The following INTS7 variants were observed in gnomAD, a reference collection of about 807,000 sequenced individuals.
INTS7 encodes chromosome 1 open reading frame 73.
In INTS7, 46 loss-of-function variants were observed where a neutral mutation model predicts 109.2. The observed-to-expected ratio is 0.42, with a 90% CI of 0.33 to 0.54. INTS7 has a LOEUF of 0.54. Ranked by LOEUF, INTS7 falls within the 20% of genes least tolerant of loss-of-function variation. INTS7 has a pLI of 0.07. For synonymous variants in INTS7, 412 were observed against 402.9 expected, an observed-to-expected ratio of 1.02 and a Z score of -0.27; for missense variants, 929 against 1,132.4, an observed-to-expected ratio of 0.82 and a Z score of 2.58.
chr1:211,967,451 CAAAAAAA>C (rs35896290), intron 15 of INTS7, among the ~76,000 whole-genome samples: 30 of 82,436 alleles, frequency 3.6e-4, no homozygotes, highest in African/African-American at 1.4e-3. Flanking sequence ...GACTCCATCT[CAAAAAAA>C]AAAAAAAAAA....
intron 5 of INTS7, among the ~76,000 whole-genome samples, chr1:212,008,986 T>C (rs997370061): frequency 2.0e-5 from 3 of 152,308 alleles, no homozygotes; most frequent in South Asian, 2.1e-4. Context: ...TCCACTCTTA[T>C]ATCCCCCTCT....
intron 15 of INTS7, among the ~76,000 whole-genome samples, 186 bp from the exon 16 acceptor site, chr1:211,966,684 T>C (rs1199963767): frequency 1.3e-5 from 2 of 152,170 alleles, no homozygotes; most frequent in African/African-American, 4.8e-5. Flanking sequence ...ATAATAGTGA[T>C]CCTCAGACTC....
chr1:211,954,704 T>C (rs1663281775), intron 16 of INTS7, among the ~76,000 whole-genome samples: 1 of 152,232 alleles, frequency 6.6e-6, no homozygotes, highest in African/African-American at 2.4e-5. Flanking sequence ...ATCAGATGGT[T>C]GTAGATATGC....
intron 3 of INTS7, among the ~76,000 whole-genome samples, chr1:212,018,782 G>A (rs568188933): frequency 6.6e-6 from 1 of 152,122 alleles, no homozygotes; most frequent in South Asian, 2.1e-4. Context: ...CTCTTTAAAA[G>A]TTATACAGTA....
At chr1:211,983,855 G>GTTT (rs35238656) in intron 8 of INTS7, among the ~76,000 whole-genome samples, 1 of 148,558 alleles carries the variant, frequency 6.7e-6, no homozygotes, top group Non-Finnish European at 1.5e-5. Flanking sequence ...GTTTTGTTTT[G>GTTT]TTTTTTTTTT....
intron 7 of INTS7, among the ~76,000 whole-genome samples, chr1:211,993,107 C>G (rs1001072124): frequency 1.3e-4 from 20 of 152,182 alleles, no homozygotes; most frequent in Non-Finnish European, 1.2e-4. Flanking sequence ...AGTTTATAAT[C>G]TTTAAAGTAA....
intron 7 of INTS7, among the ~76,000 whole-genome samples, chr1:211,998,981 AAC>A (rs1665537273): frequency 6.6e-6 from 1 of 152,212 alleles, no homozygotes; most frequent in Non-Finnish European, 1.5e-5. Flanking sequence ...AAAACCATAC[AAC>A]ACAAAGTGCT....
intron 1 of INTS7, 75 bp downstream of exon 1, chr1:212,035,269 C>T (rs901837125): frequency 1.5e-5 from 15 of 1,030,884 alleles, no homozygotes; most frequent in African/African-American, 7.8e-5. Context: ...CCGTCTTCTC[C>T]CAAAGCAACC....
intron 16 of INTS7, among the ~76,000 whole-genome samples, chr1:211,962,169 T>A (rs955986479): frequency 7.9e-6 from 1 of 126,860 alleles, no homozygotes; most frequent in South Asian, 2.5e-4. Context: ...AATAAAGAGA[T>A]AGAGAAAAAC....
At chr1:212,026,111 T>C (rs905371323) in intron 1 of INTS7, among the ~76,000 whole-genome samples, 19 of 152,216 alleles carry the variant, frequency 1.2e-4, no homozygotes, top group African/African-American at 4.1e-4. Flanking sequence ...ATCACGCCAC[T>C]GCACTCCAGC....
chr1:211,991,674 G>A (rs1665153882), intron 7 of INTS7, among the ~76,000 whole-genome samples: 1 of 152,204 alleles, frequency 6.6e-6, no homozygotes, highest in Admixed American at 6.5e-5. Flanking sequence ...ACCCATACAG[G>A]CTACTATGTT....
chr1:211,992,716 T>C (rs1665198354), intron 7 of INTS7, among the ~76,000 whole-genome samples: 1 of 152,094 alleles, frequency 6.6e-6, no homozygotes, highest in African/African-American at 2.4e-5. Flanking sequence ...AAAACACTGA[T>C]TTAAACGTTC....
At chr1:212,017,044 A>C in intron 3 of INTS7, 21 bp from the exon 4 acceptor site, 1 of 1,543,014 alleles carries the variant, frequency 6.5e-7, no homozygotes, top group Non-Finnish European at 8.7e-7. Flanking sequence ...AGAGAAACCC[A>C]AGAAGATCGG....
chr1:212,012,965 C>T (rs1046144154), intron 4 of INTS7, among the ~76,000 whole-genome samples: 1 of 152,198 alleles, frequency 6.6e-6, no homozygotes, highest in African/African-American at 2.4e-5. Flanking sequence ...ATCTGACAGA[C>T]TATGAAGCAC....
chr1:211,980,014 TG>T (rs1425104053), intron 10 of INTS7, among the ~76,000 whole-genome samples: 5 of 152,206 alleles, frequency 3.3e-5, no homozygotes, highest in Non-Finnish European at 4.4e-5. Flanking sequence ...GAACCTTTCT[TG>T]GCCATCTATG....
intron 16 of INTS7, among the ~76,000 whole-genome samples, chr1:211,953,836 T>C (rs1276910208): frequency 1.3e-5 from 2 of 151,910 alleles, no homozygotes; most frequent in Non-Finnish European, 2.9e-5. Context: ...GTCTTTGCTA[T>C]TGTGAATAGT....
intron 16 of INTS7, among the ~76,000 whole-genome samples, chr1:211,955,202 A>G (rs1242549979): frequency 6.6e-6 from 1 of 151,962 alleles, no homozygotes; most frequent in Non-Finnish European, 1.5e-5. Flanking sequence ...TTTGTCTGTT[A>G]TTGGTGTATA....
chr1:212,021,256 A>G lies in INTS7; in HGVS notation c.95-44T>C, dbSNP rs763189063. On this transcript the variant is annotated intron_variant, in intron 1 of 19. Coordinates refer to ENST00000366994, the MANE Select transcript of INTS7 (RefSeq NM_015434.4). ...ACAGAGAGGGAAGAACAGTTTGCAT[A>G]TTTGTGGCTACAAAGCAAAAATAGC... 6 of 1,552,660 alleles carry G rather than the reference A, an allele frequency of 3.9e-6. No individual in the cohort carries two copies. In the East Asian group the frequency reaches 6.8e-5, roughly 18 times the overall value.
intron 13 of INTS7, among the ~76,000 whole-genome samples, chr1:211,969,301 A>T (rs1664057341): frequency 6.6e-6 from 1 of 151,746 alleles, no homozygotes; most frequent in African/African-American, 2.4e-5. Flanking sequence ...AAACAAAGAA[A>T]AAAGAAGATA....
Sources: gnomAD v4.1 joint callset for allele counts (sites outside exome capture counted in the v4.1 genomes callset) on GRCh38, gnomAD v4.1.1 for gene constraint, MANE v1.5 for transcripts, NCBI Gene and HGNC (gene_info 2026-07-23, HGNC 2026-07-21) for gene names.